The following NHEJ1 variants were observed in gnomAD, a reference collection of about 807,000 sequenced individuals.
The protein encoded by NHEJ1 is non-homologous end joining factor 1.
In NHEJ1, 22 loss-of-function variants were observed where a neutral mutation model predicts 39.4. That is an observed-to-expected ratio of 0.56 (90% CI 0.40 to 0.80). The LOEUF is 0.80. Ranked by LOEUF, NHEJ1 falls within the 30% of genes least tolerant of loss-of-function variation. The probability of loss-of-function intolerance (pLI) is 0.00; values close to 1 mark genes in which losing one functional copy is unlikely to be tolerated. For synonymous variants in NHEJ1, 154 were observed against 135.6 expected (o/e 1.14, Z -0.94); for missense variants, 329 against 357.1 (o/e 0.92, Z 0.63).
At chr2:219,114,004 T>C (rs1006759212) in intron 5 of NHEJ1, among the ~76,000 whole-genome samples, 4 of 152,198 alleles carry the variant, frequency 2.6e-5, no homozygotes, top group African/African-American at 7.2e-5. Flanking sequence ...CAGGGAAGTT[T>C]CTAGGCTAGG....
chr2:219,140,241 G>C (rs1304395182), intron 5 of NHEJ1, among the ~76,000 whole-genome samples: 1 of 152,204 alleles, frequency 6.6e-6, no homozygotes. Flanking sequence ...AGGTCAGAAA[G>C]GTAAGAGAGT....
chr2:219,108,831 T>C (rs1167387951), intron 5 of NHEJ1, among the ~76,000 whole-genome samples: 1 of 152,148 alleles, frequency 6.6e-6, no homozygotes, highest in South Asian at 2.1e-4. Context: ...AAAAGGTTTT[T>C]CTAAGGTATA....
chr2:219,077,453 G>T, intron 6 of NHEJ1, 89 bp from the exon 7 acceptor site: 1 of 1,028,074 alleles, frequency 9.7e-7, no homozygotes, highest in Non-Finnish European at 1.5e-6. Context: ...TCTGATAAAG[G>T]CCAGGGTTTG....
At chr2:219,079,651 G>A (rs1369375866) in intron 5 of NHEJ1, among the ~76,000 whole-genome samples, 1 of 152,170 alleles carries the variant, frequency 6.6e-6, no homozygotes, top group Admixed American at 6.5e-5. Flanking sequence ...GAGTCTAACA[G>A]CCCTCTGGCA....
intron 5 of NHEJ1, among the ~76,000 whole-genome samples, chr2:219,136,372 T>G (rs1949628791): frequency 6.7e-6 from 1 of 148,670 alleles, no homozygotes; most frequent in Non-Finnish European, 1.5e-5. Context: ...GACTGCAACC[T>G]CAGCCTCCAG....
intron 3 of NHEJ1, among the ~76,000 whole-genome samples, chr2:219,149,530 C>T (rs1053264631): frequency 6.6e-6 from 1 of 152,090 alleles, no homozygotes; most frequent in Non-Finnish European, 1.5e-5. Context: ...GCACAAGAAT[C>T]GCTTGAATCC....
intron 5 of NHEJ1, among the ~76,000 whole-genome samples, chr2:219,090,324 G>T (rs1949149264): frequency 6.6e-6 from 1 of 152,168 alleles, no homozygotes; most frequent in South Asian, 2.1e-4. Flanking sequence ...TTCTTCAGCT[G>T]TGGAATGGGA....
intron 2 of NHEJ1, 133 bp downstream of exon 2, chr2:219,158,053 G>GAA: frequency 1.3e-6 from 1 of 783,894 alleles, no homozygotes; most frequent in Non-Finnish European, 2.2e-6. Flanking sequence ...ATTCCAGGCA[G>GAA]AAGTACAGGT....
At chr2:219,076,635 C>T (rs1574697270) in intron 7 of NHEJ1, among the ~76,000 whole-genome samples, 180 bp from the exon 8 acceptor site, 1 of 150,446 alleles carries the variant, frequency 6.6e-6, no homozygotes, top group East Asian at 2.0e-4. Context: ...CCTTGAACTC[C>T]TGGGCTCGAG....
chr2:219,140,656 TTGTTGGAAAAGTAAATCTGGGCA>T (rs1949682006), intron 5 of NHEJ1, among the ~76,000 whole-genome samples: 1 of 151,908 alleles, frequency 6.6e-6, no homozygotes, highest in Non-Finnish European at 1.5e-5. Context: ...TGGGAGGGGG[TTGTTGGAAAAGTAAATCTGGGCA>T]TACGACTGGA....
chr2:219,080,646 T>G (rs1159159353), intron 5 of NHEJ1, among the ~76,000 whole-genome samples: 2 of 117,424 alleles, frequency 1.7e-5, no homozygotes, highest in African/African-American at 3.9e-5. Context: ...TAAGCTTATA[T>G]ATATGCTAAT....
chr2:219,089,531 T>C (rs866773561), intron 5 of NHEJ1, among the ~76,000 whole-genome samples: 1 of 152,206 alleles, frequency 6.6e-6, no homozygotes, highest in East Asian at 1.9e-4. Flanking sequence ...ATATGCTGAA[T>C]AGGCAAATCC....
chr2:219,110,217 G>A (rs934323156), intron 5 of NHEJ1, among the ~76,000 whole-genome samples: 1 of 152,084 alleles, frequency 6.6e-6, no homozygotes, highest in Admixed American at 6.6e-5. Context: ...TAAAATCAAC[G>A]TAATTAAAAA....
chr2:219,136,864 A>T (rs1949635177), intron 5 of NHEJ1, among the ~76,000 whole-genome samples: 1 of 152,056 alleles, frequency 6.6e-6, no homozygotes, highest in African/African-American at 2.4e-5. Flanking sequence ...CAGCCTCCCA[A>T]AGTGCTGGGA....
intron 5 of NHEJ1, among the ~76,000 whole-genome samples, chr2:219,120,234 C>T (rs548389103): frequency 1.1e-4 from 17 of 152,286 alleles, no homozygotes; most frequent in Middle Eastern, 3.4e-3. Flanking sequence ...ATTTCTACAG[C>T]CCCTATTATA....
chr2:219,100,214 G>A (rs1559190613), intron 5 of NHEJ1, among the ~76,000 whole-genome samples: 1 of 152,118 alleles, frequency 6.6e-6, no homozygotes, highest in Non-Finnish European at 1.5e-5. Flanking sequence ...ACCTTCAACA[G>A]CTTTAATATG....
chr2:219,082,770 C>A (rs910494106), intron 5 of NHEJ1, among the ~76,000 whole-genome samples: 4 of 152,196 alleles, frequency 2.6e-5, no homozygotes, highest in Admixed American at 1.3e-4. Context: ...GGGCAGGGCC[C>A]ACAACACGTG....
chr2:219,156,096 A>G (rs1949852602), intron 3 of NHEJ1, among the ~76,000 whole-genome samples: 2 of 151,146 alleles, frequency 1.3e-5, no homozygotes, highest in Non-Finnish European at 2.9e-5. Flanking sequence ...AAAAATAGAA[A>G]AAATTAGCCG....
Position 219,147,565 on chromosome 2 carries a change from C to A in NHEJ1, c.529+92G>T, listed in dbSNP as rs547775963. The stretch of plus-strand genomic sequence containing the variant: ...TTCAGCACCCATCCTGGGGGAGGCA[C>A]TTCTCTAATGCAAATGAGTCTCCCT... On this transcript the variant is annotated intron_variant, in intron 4 of 7. Transcript: ENST00000356853. 1,164 of 1,527,586 alleles carry A rather than the reference C, an allele frequency of 7.6e-4. 2 individuals carry two copies. Among genetic ancestry groups the A allele is most frequent in the Non-Finnish European group, 8.6e-4 (951 of 1,104,714 alleles). 94.6% of individuals were successfully genotyped at this position (1,527,586 alleles called of 1,614,324 possible). A position where few individuals can be genotyped will look rare whatever the true frequency, so the allele number is the denominator to read the frequency against.
Sources: allele counts gnomAD v4.1 joint callset (sites outside exome capture counted in the v4.1 genomes callset), GRCh38; gene constraint gnomAD v4.1.1; transcripts MANE v1.5; gene names NCBI Gene and HGNC (gene_info 2026-07-23, HGNC 2026-07-21).